The following SERGEF variants were observed in gnomAD, a reference collection of about 807,000 sequenced individuals.
SERGEF encodes secretion-regulating guanine nucleotide exchange factor.
A neutral mutation model predicts 50.0 loss-of-function variants in SERGEF; 51 were observed. That is an observed-to-expected ratio of 1.02 (90% CI 0.81 to 1.29). SERGEF has a LOEUF of 1.29. SERGEF is among the 50% of genes most tolerant of loss of function. The probability of loss-of-function intolerance (pLI) is 0.00; values close to 1 mark genes in which losing one functional copy is unlikely to be tolerated. For synonymous variants in SERGEF, 205 were observed against 212.4 expected (o/e 0.97, Z 0.30); for missense variants, 521 against 557.0 (o/e 0.94, Z 0.65).
chr11:18,002,076 A>C (rs1853974445), intron 4 of SERGEF: 1 of 455,578 alleles, frequency 2.2e-6, no homozygotes, highest in African/African-American at 2.0e-5. Flanking sequence ...TGGAGTCCAC[A>C]ATCACATTAG....
chr11:17,962,279 A>T (rs980098461), intron 8 of SERGEF, among the ~76,000 whole-genome samples: 2 of 152,162 alleles, frequency 1.3e-5, no homozygotes, highest in African/African-American at 4.8e-5. Context: ...TGTAGAACTC[A>T]GGACTGTAAG....
intron 10 of SERGEF, among the ~76,000 whole-genome samples, chr11:17,802,343 C>T (rs1849686126): frequency 6.6e-6 from 1 of 152,150 alleles, no homozygotes; most frequent in African/African-American, 2.4e-5. Flanking sequence ...CCACTGGGCT[C>T]CCTCCCTGCA....
chr11:17,886,557 A>C (rs1485968075), intron 9 of SERGEF, among the ~76,000 whole-genome samples: 1 of 152,126 alleles, frequency 6.6e-6, no homozygotes, highest in Non-Finnish European at 1.5e-5. Flanking sequence ...CGAAGGTTGC[A>C]GTGAACCGAG....
chr11:17,954,708 G>A (rs1361338580), intron 9 of SERGEF, among the ~76,000 whole-genome samples: 2 of 152,186 alleles, frequency 1.3e-5, no homozygotes. Flanking sequence ...ACACATGCAC[G>A]TGTATACTGA....
chr11:17,948,461 G>A (rs949158497), intron 9 of SERGEF, among the ~76,000 whole-genome samples: 1 of 152,102 alleles, frequency 6.6e-6, no homozygotes, highest in East Asian at 1.9e-4. Flanking sequence ...AGACCCGATC[G>A]TCAAATGATA....
At chr11:17,913,277 G>T (rs1851987408) in intron 9 of SERGEF, among the ~76,000 whole-genome samples, 1 of 152,152 alleles carries the variant, frequency 6.6e-6, no homozygotes. Flanking sequence ...ACACACATAT[G>T]GCATGCTTGC....
chr11:17,818,164 T>C (rs1027537017), intron 10 of SERGEF, among the ~76,000 whole-genome samples: 1 of 152,104 alleles, frequency 6.6e-6, no homozygotes, highest in African/African-American at 2.4e-5. Context: ...GTGAACTTAC[T>C]TGTAATCAGG....
intron 10 of SERGEF, among the ~76,000 whole-genome samples, chr11:17,839,095 T>C (rs1403364103): frequency 6.6e-6 from 1 of 152,208 alleles, no homozygotes; most frequent in Non-Finnish European, 1.5e-5. Context: ...GATGGAACCG[T>C]GATGACTATG....
intron 4 of SERGEF, 66 bp from the exon 5 acceptor site, chr11:18,000,623 T>C: frequency 8.5e-7 from 1 of 1,173,288 alleles, no homozygotes; most frequent in Middle Eastern, 2.0e-4. Flanking sequence ...ATGTAATTTA[T>C]ACCAAATACA....
At position 17,918,153 on chromosome 11, in the gene SERGEF, C is replaced by T. The variant is rs545038550; in HGVS notation, c.1012-39909G>A. ...GACCCGAAGTCTGTGTTCCTTTCTC[C>T]ACTCCATGGTGCCTGTGGGTATAGC... On this transcript the variant is annotated intron_variant, in intron 9 of 10. Coordinates refer to ENST00000265965, the MANE Select transcript of SERGEF (RefSeq NM_012139.4). 1.1e-3 allele frequency among the ~76,000 whole-genome samples: 161 copies of T among 152,260 alleles called. 1 individual carries two copies. The highest frequency in any genetic ancestry group is 3.4e-3 in the Middle Eastern group (1 of 294).
chr11:18,012,616 A>G (rs1288514614), intron 1 of SERGEF: 6 of 1,173,160 alleles, frequency 5.1e-6, no homozygotes, highest in Non-Finnish European at 4.3e-6. Flanking sequence ...CTCTCCACCG[A>G]GCCCTCCGCG....
At chr11:17,931,660 T>C (rs559230028) in intron 9 of SERGEF, among the ~76,000 whole-genome samples, 3 of 152,314 alleles carry the variant, frequency 2.0e-5, no homozygotes, top group African/African-American at 7.2e-5. Flanking sequence ...GTGACTTCTG[T>C]GAGCACTTAG....
chr11:17,915,853 G>A (rs901646763), intron 9 of SERGEF, among the ~76,000 whole-genome samples: 2 of 152,200 alleles, frequency 1.3e-5, no homozygotes, highest in African/African-American at 4.8e-5. Flanking sequence ...GTAAGGCAAT[G>A]CCAGGCTACA....
intron 10 of SERGEF, among the ~76,000 whole-genome samples, chr11:17,801,854 T>A (rs542645957): frequency 6.6e-6 from 1 of 152,302 alleles, no homozygotes; most frequent in African/African-American, 2.4e-5. Flanking sequence ...TTTGGTGCCT[T>A]CATCACTCTA....
rs199559127 is a variant in SERGEF at position 17,845,040 on chromosome 11, T to C, written c.1048+33168A>G. Among the ~76,000 whole-genome samples, 3 of 152,200 alleles carry C rather than the reference T, an allele frequency of 2.0e-5. No homozygotes were observed. The East Asian group carries it at 5.8e-4, about 29-fold the overall frequency. ...CTCGCTGCCCGTGGGTTAGCAAGGC[T>C]GCTCTAAGACAATGAGTGTAGGTAG... On this transcript the variant is annotated intron_variant, in intron 10 of 10. Coordinates refer to ENST00000265965, the MANE Select transcript of SERGEF (RefSeq NM_012139.4).
chr11:17,977,879 C>T (rs1853410990), intron 8 of SERGEF, among the ~76,000 whole-genome samples: 1 of 152,212 alleles, frequency 6.6e-6, no homozygotes, highest in Admixed American at 6.5e-5. Context: ...GACTTCCCAG[C>T]CTCCAGAACT....
In SERGEF at chr11:18,000,498, T is replaced by C; in HGVS notation, c.507A>G (p.Thr169=). 6.4e-7 allele frequency: 1 copy of C among 1,570,718 alleles called. No homozygotes were observed. Among genetic ancestry groups the C allele is most frequent in the Non-Finnish European group, 8.6e-7 (1 of 1,159,450 alleles). The change falls in exon 5 of 11, where the codon ACA becomes ACG. Residue 169 remains threonine (T), a splice_region_variant and synonymous_variant. Transcript: ENST00000265965. The part of the protein sequence containing the change: ...AAGLRHAVAA[T]ASGIVFQWGT... The stretch of plus-strand genomic sequence containing the variant: ...AAAAAATAAAGATAAGATGATCACC[T>C]GTAGCAGCTACTGCATGCCTCAGTC...
chr11:17,981,655 T>G (rs1853497416), intron 8 of SERGEF, among the ~76,000 whole-genome samples: 1 of 152,242 alleles, frequency 6.6e-6, no homozygotes, highest in South Asian at 2.1e-4. Flanking sequence ...TGTATTCTCA[T>G]GTAGCTGCTT....
At chr11:17,866,313 A>G (rs1396303810) in intron 10 of SERGEF, among the ~76,000 whole-genome samples, 3 of 152,230 alleles carry the variant, frequency 2.0e-5, no homozygotes, top group East Asian at 1.9e-4. Flanking sequence ...TAGTTTTCAG[A>G]TAACTGATCA....
Sources: gnomAD v4.1 joint callset for allele counts (sites outside exome capture counted in the v4.1 genomes callset) on GRCh38, gnomAD v4.1.1 for gene constraint, MANE v1.5 for transcripts, NCBI Gene and HGNC (gene_info 2026-07-23, HGNC 2026-07-21) for gene names.